TMEM17: variants seen among roughly 807,000 people sequenced by gnomAD.
TMEM17 encodes transmembrane protein 17.
A neutral mutation model predicts 19.1 loss-of-function variants in TMEM17; 15 were observed. The ratio of observed to expected loss-of-function variants is 0.78; its 90% CI spans 0.52 to 1.21. The LOEUF is 1.21. Ranked by LOEUF, TMEM17 falls within the 50% of genes most tolerant of loss-of-function variation. The pLI, the probability that TMEM17 is intolerant of heterozygous loss-of-function variation, is 0.00. For synonymous variants in TMEM17, 103 were observed against 86.9 expected (o/e 1.19, Z -1.03); for missense variants, 245 against 242.3 (o/e 1.01, Z -0.07).
At chr2:62,454,229 G>C in the TMEM17 span, among the ~76,000 whole-genome samples, 13 of 152,332 alleles carry the variant, frequency 8.5e-5, no homozygotes, top group South Asian at 1.5e-3. Flanking sequence ...GGGATGAGGT[G>C]CAGGACCCTA....
At chr2:62,488,032 C>T in the TMEM17 span, among the ~76,000 whole-genome samples, 1 of 152,194 alleles carries the variant, frequency 6.6e-6, no homozygotes, top group Non-Finnish European at 1.5e-5. Flanking sequence ...CGGAGTTAAG[C>T]TATGGGCCAC....
chr2:62,479,168 T>C, the TMEM17 span, among the ~76,000 whole-genome samples: 2 of 152,262 alleles, frequency 1.3e-5, no homozygotes, highest in Non-Finnish European at 2.9e-5. Context: ...TTAGTCCTCC[T>C]ATCTAGCTGT....
At chr2:62,474,319 A>G in the TMEM17 span, among the ~76,000 whole-genome samples, 1 of 152,124 alleles carries the variant, frequency 6.6e-6, no homozygotes, top group African/African-American at 2.4e-5. Flanking sequence ...CTGTGGTGAG[A>G]ATAGCTCCAT....
intron 1 of TMEM17, 149 bp downstream of exon 1, chr2:62,505,881 G>C: frequency 1.3e-6 from 1 of 792,916 alleles, no homozygotes; most frequent in Non-Finnish European, 2.0e-6. Context: ...TGTCCGGCCC[G>C]GCCCCTCCTC....
At chr2:62,468,705 C>T in the TMEM17 span, among the ~76,000 whole-genome samples, 1 of 152,210 alleles carries the variant, frequency 6.6e-6, no homozygotes, top group African/African-American at 2.4e-5. Flanking sequence ...GATAAGCAGA[C>T]AGTCCCATAT....
downstream of TMEM17, among the ~76,000 whole-genome samples, chr2:62,498,716 A>AAAAATAAAAT (rs202244559): frequency 8.3e-6 from 1 of 120,162 alleles, no homozygotes; most frequent in African/African-American, 3.5e-5. Context: ...ACTCCGTCTC[A>AAAAATAAAAT]AAAATAAAAT....
At chr2:62,485,896 T>C in the TMEM17 span, among the ~76,000 whole-genome samples, 1 of 152,350 alleles carries the variant, frequency 6.6e-6, no homozygotes, top group Non-Finnish European at 1.5e-5. Context: ...AGCCAGTGCC[T>C]GTGTCATTTC....
chr2:62,497,235 C>A (rs1231233601), downstream of TMEM17, among the ~76,000 whole-genome samples: 2 of 152,304 alleles, frequency 1.3e-5, no homozygotes, highest in African/African-American at 2.4e-5. Flanking sequence ...CTGGTCCAAA[C>A]CTTTCAATCC....
chr2:62,505,129 A>G (rs1182568720), intron 1 of TMEM17, among the ~76,000 whole-genome samples: 1 of 152,172 alleles, frequency 6.6e-6, no homozygotes, highest in African/African-American at 2.4e-5. Flanking sequence ...AACTGCCTTT[A>G]CTTTTCTCTG....
downstream of TMEM17, among the ~76,000 whole-genome samples, chr2:62,495,670 T>C (rs922123684): frequency 6.6e-6 from 1 of 152,228 alleles, no homozygotes; most frequent in African/African-American, 2.4e-5. Flanking sequence ...GTTTGCCGCT[T>C]TGTTTTCTGC....
the TMEM17 span, among the ~76,000 whole-genome samples, chr2:62,461,508 G>T: frequency 6.6e-6 from 1 of 152,182 alleles, no homozygotes; most frequent in African/African-American, 2.4e-5. Flanking sequence ...CTGGCAGGGG[G>T]TACCAGGAAA....
At chr2:62,464,628 C>G in the TMEM17 span, among the ~76,000 whole-genome samples, 762 of 152,336 alleles carry the variant, frequency 5.0e-3, 3 homozygotes, top group South Asian at 0.019. Context: ...TTTATCAAGA[C>G]AGGGAAATTG....
chr2:62,477,421 G>C, the TMEM17 span, among the ~76,000 whole-genome samples: 5 of 151,850 alleles, frequency 3.3e-5, no homozygotes, highest in African/African-American at 7.2e-5. Context: ...AATCTCTCAG[G>C]GTTGTCTATC....
At position 62,501,303 on chromosome 2, in the gene TMEM17, T is replaced by C. The variant is rs1025362358; in HGVS notation, c.503A>G (p.Gln168Arg). Residue 168 changes from glutamine (Q) to arginine (R), a missense_variant, in exon 4 of 4, where the codon CAG becomes CGG. Gln to Arg is a conservative substitution (Grantham distance 43). Transcript: ENST00000335390. ...TTGGAGGTGGAAACGAACTGCCAAC[T>C]GATTAACCATTTTCCTTAAGGTAAG... is the stretch of plus-strand genomic sequence containing the variant. The part of the protein sequence containing the change: ...AFLTLRKMVN[Q>R]LAVRFHLQDF... The C allele has an allele frequency of 1.2e-6, 2 of 1,614,218 alleles. No individual in the cohort carries two copies. Among genetic ancestry groups the C allele is most frequent in the Non-Finnish European group, 1.7e-6 (2 of 1,180,032 alleles).
chr2:62,489,649 T>C, the TMEM17 span, among the ~76,000 whole-genome samples: 10,102 of 152,270 alleles, frequency 0.066, 535 homozygotes, highest in East Asian at 0.17. Context: ...TGGGAGCTGT[T>C]TTTATAACAT....
the TMEM17 span, among the ~76,000 whole-genome samples, chr2:62,472,334 C>A: frequency 1.3e-5 from 2 of 152,154 alleles, no homozygotes; most frequent in African/African-American, 4.8e-5. Flanking sequence ...TGGGGCTTTC[C>A]CTGCAGCCTG....
the TMEM17 span, among the ~76,000 whole-genome samples, chr2:62,460,245 A>G: frequency 0.65 from 98,665 of 152,092 alleles, 32,784 homozygotes; most frequent in East Asian, 0.74. Flanking sequence ...TGCTGCACAC[A>G]TTTTACAGAT....
chr2:62,495,307 C>T (rs1679752956), downstream of TMEM17, among the ~76,000 whole-genome samples: 1 of 152,184 alleles, frequency 6.6e-6, no homozygotes, highest in Non-Finnish European at 1.5e-5. Flanking sequence ...CACACTGATG[C>T]CTAGCCTCAC....
the TMEM17 span, among the ~76,000 whole-genome samples, chr2:62,475,320 C>T: frequency 4.6e-5 from 7 of 152,366 alleles, no homozygotes; most frequent in Non-Finnish European, 5.9e-5. Flanking sequence ...TGGGGCACAG[C>T]GGCAGAGGCA....
Sources: gnomAD v4.1 joint callset for allele counts (sites outside exome capture counted in the v4.1 genomes callset) on GRCh38, gnomAD v4.1.1 for gene constraint, MANE v1.5 for transcripts, NCBI Gene and HGNC (gene_info 2026-07-23, HGNC 2026-07-21) for gene names.